Variants in SLC25A21 observed in about 807,000 individuals in gnomAD.
The protein encoded by SLC25A21 is mitochondrial 2-oxodicarboxylate carrier.
In SLC25A21, 47 loss-of-function variants were observed where a neutral mutation model predicts 43.8. The ratio of observed to expected loss-of-function variants is 1.07; its 90% CI spans 0.85 to 1.37. The LOEUF is 1.37. SLC25A21 is among the 40% of genes most tolerant of loss of function. The probability of loss-of-function intolerance (pLI) is 0.00; values close to 1 mark genes in which losing one functional copy is unlikely to be tolerated. For synonymous variants in SLC25A21, 131 were observed against 121.3 expected, an observed-to-expected ratio of 1.08 and a Z score of -0.52; for missense variants, 352 against 350.2, an observed-to-expected ratio of 1.00 and a Z score of -0.04.
At chr14:37,091,291 G>A (rs1315382490) in intron 1 of SLC25A21, among the ~76,000 whole-genome samples, 1 of 151,986 alleles carries the variant, frequency 6.6e-6, no homozygotes, top group Admixed American at 6.6e-5. Context: ...AAAATTAGCT[G>A]GGTGTGGTAG....
At chr14:36,780,821 T>C (rs1887029644) in intron 3 of SLC25A21, among the ~76,000 whole-genome samples, 1 of 152,140 alleles carries the variant, frequency 6.6e-6, no homozygotes, top group South Asian at 2.1e-4. Context: ...GAATGTTCTG[T>C]ACTTGTCTGT....
At chr14:36,996,584 C>T (rs1432229882) in intron 1 of SLC25A21, among the ~76,000 whole-genome samples, 1 of 152,074 alleles carries the variant, frequency 6.6e-6, no homozygotes, top group East Asian at 1.9e-4. Context: ...GTTCTTGATA[C>T]TGTTTGAATG....
chr14:37,145,472 C>CAGAGAG (rs1188016664), intron 1 of SLC25A21, among the ~76,000 whole-genome samples: 3 of 42,314 alleles, frequency 7.1e-5, no homozygotes, highest in African/African-American at 1.7e-4. Context: ...CACACACACA[C>CAGAGAG]ACACAGAGAG....
intron 1 of SLC25A21, among the ~76,000 whole-genome samples, chr14:37,104,589 A>C (rs1435760618): frequency 6.6e-6 from 1 of 152,234 alleles, no homozygotes; most frequent in African/African-American, 2.4e-5. Context: ...CCCGTGGCAC[A>C]AACTTAACAG....
At chr14:37,056,112 C>T (rs1383673792) in intron 1 of SLC25A21, among the ~76,000 whole-genome samples, 1 of 152,164 alleles carries the variant, frequency 6.6e-6, no homozygotes. Flanking sequence ...TCCCCTGTGC[C>T]TTCTGCCATG....
chr14:37,161,300 TAGC>T (rs1963936362), intron 1 of SLC25A21, among the ~76,000 whole-genome samples: 1 of 151,968 alleles, frequency 6.6e-6, no homozygotes. Context: ...GAATGAAAAA[TAGC>T]AGTTAACAGT....
chr14:37,097,486 C>G (rs1308181264), intron 1 of SLC25A21, among the ~76,000 whole-genome samples: 2 of 152,154 alleles, frequency 1.3e-5, no homozygotes, highest in Non-Finnish European at 2.9e-5. Context: ...ATTTGGCCAT[C>G]TTGTTCTGCC....
chr14:36,829,985 C>T (rs1888976073), intron 2 of SLC25A21, among the ~76,000 whole-genome samples: 1 of 151,556 alleles, frequency 6.6e-6, no homozygotes, highest in Non-Finnish European at 1.5e-5. Flanking sequence ...CTATTGCTTT[C>T]TACACGACTG....
At chr14:37,000,869 T>C (rs1319290582) in intron 1 of SLC25A21, among the ~76,000 whole-genome samples, 1 of 152,184 alleles carries the variant, frequency 6.6e-6, no homozygotes, top group Non-Finnish European at 1.5e-5. Flanking sequence ...GCCATGATTG[T>C]AAGTTTCCTG....
At chr14:37,043,788 G>A (rs2415376) in intron 1 of SLC25A21, among the ~76,000 whole-genome samples, 61,742 of 151,794 alleles carry the variant, frequency 0.41, 13,581 homozygotes, top group African/African-American at 0.59. Context: ...CCAGGCTGGA[G>A]TGCAGTGACA....
intron 2 of SLC25A21, among the ~76,000 whole-genome samples, chr14:36,871,154 C>T (rs759670929): frequency 6.6e-6 from 1 of 151,602 alleles, no homozygotes; most frequent in Non-Finnish European, 1.5e-5. Context: ...TGAAATCCAA[C>T]CCCGCAAGGT....
At chr14:37,083,883 G>C (rs1962434231) in intron 1 of SLC25A21, among the ~76,000 whole-genome samples, 1 of 152,122 alleles carries the variant, frequency 6.6e-6, no homozygotes, top group Non-Finnish European at 1.5e-5. Context: ...CTTACTAATG[G>C]TGTTAAGTCA....
intron 3 of SLC25A21, among the ~76,000 whole-genome samples, chr14:36,753,919 C>CAGAGAGAGAGAGAGAGAGAGAG (rs56871881): frequency 1.1e-3 from 140 of 130,068 alleles, no homozygotes; most frequent in Non-Finnish European, 1.6e-3. Flanking sequence ...TCACTGGGGA[C>CAGAGAGAGAGAGAGAGAGAGAG]AGAGAGAGAG....
chr14:36,680,026 A>G lies in SLC25A21; in HGVS notation c.*632T>C. 2 of 867,976 alleles carry G rather than the reference A, an allele frequency of 2.3e-6. No individual in the cohort carries two copies. The highest frequency in any genetic ancestry group is 2.8e-6 in the Non-Finnish European group (2 of 724,380). The allele number at this position is 867,976 out of a possible 1,614,324, so 53.8% of individuals were successfully genotyped here. On this transcript the variant is annotated 3_prime_UTR_variant, in exon 10 of 10. Coordinates refer to ENST00000331299, the MANE Select transcript of SLC25A21 (RefSeq NM_030631.4). ...TTATTATCTTACAGCAATATGAGATATAAAGTAGATGTAGGAAAATAGAGC... is the reference window on the plus strand; with the variant it reads ...TTATTATCTTACAGCAATATGAGATGTAAAGTAGATGTAGGAAAATAGAGC...
At chr14:37,031,627 G>A (rs892083748) in intron 1 of SLC25A21, among the ~76,000 whole-genome samples, 1 of 152,036 alleles carries the variant, frequency 6.6e-6, no homozygotes, top group African/African-American at 2.4e-5. Flanking sequence ...TAACCATATC[G>A]AAAGCTAGGG....
Position 36,739,116 on chromosome 14 carries a change from T to C in SLC25A21, c.204-4543A>G, listed in dbSNP as rs77556020. Among the ~76,000 whole-genome samples the C allele has an allele frequency of 2.0e-5, 3 of 152,318 alleles. No homozygotes were observed. The East Asian group carries it at 5.8e-4, about 29-fold the overall frequency. ...ATAAAAGCTTTTGAAAAATTGTTTA[T>C]GTTACAGCAATACCTTATCATTTCT... On this transcript the variant is annotated intron_variant, in intron 3 of 9. Transcript: ENST00000331299.
chr14:36,896,611 T>G (rs763802418), intron 1 of SLC25A21, among the ~76,000 whole-genome samples: 2 of 152,234 alleles, frequency 1.3e-5, no homozygotes, highest in African/African-American at 4.8e-5. Context: ...TGCTGATTAA[T>G]TGATGCAGTT....
chr14:36,798,902 A>AAGAGAGAGAGAG (rs10637597), intron 3 of SLC25A21, among the ~76,000 whole-genome samples: 4 of 150,878 alleles, frequency 2.7e-5, no homozygotes, highest in East Asian at 2.0e-4. Context: ...TAGGGAGAGA[A>AAGAGAGAGAGAG]AGAGAGAGAG....
At chr14:37,105,594 C>T (rs1962896011) in intron 1 of SLC25A21, among the ~76,000 whole-genome samples, 1 of 151,962 alleles carries the variant, frequency 6.6e-6, no homozygotes, top group Non-Finnish European at 1.5e-5. Context: ...AGAGAGTCAG[C>T]GTGGGGATGA....
Sources: gnomAD v4.1 joint callset for allele counts (sites outside exome capture counted in the v4.1 genomes callset) on GRCh38, gnomAD v4.1.1 for gene constraint, MANE v1.5 for transcripts, NCBI Gene and HGNC (gene_info 2026-07-23, HGNC 2026-07-21) for gene names.